The following ARSB variants were observed in gnomAD, a reference collection of about 807,000 sequenced individuals.
The protein encoded by ARSB is arylsulfatase B, also known as N-acetylgalactosamine-4-sulfatase.
Under a neutral mutation model 50.9 loss-of-function variants are expected in ARSB, and 41 were observed. The observed-to-expected ratio is 0.81, with a 90% confidence interval of 0.63 to 1.04. ARSB has a LOEUF of 1.04. Among genes scored for constraint, ARSB ranks in the 50% least tolerant of loss-of-function variants. The probability of loss-of-function intolerance (pLI) is 0.00; values close to 1 mark genes in which losing one functional copy is unlikely to be tolerated. For missense variants in ARSB, 672 were observed against 693.3 expected (o/e 0.97, Z 0.35); for synonymous variants, 269 against 284.8 (o/e 0.94, Z 0.56).
rs200346120 is a variant in ARSB, at chr5:78,858,165, T to C, written c.1143-18739A>G. On this transcript the variant is annotated intron_variant, in intron 5 of 7. Coordinates refer to ENST00000264914, the MANE Select transcript of ARSB (RefSeq NM_000046.5). ...CACATGGCCTCAGTGTCTCCTTGAA[T>C]GTATGGTGTTTCCATTCATTTGGTT... is the stretch of plus-strand genomic sequence containing the variant. Among the ~76,000 whole-genome samples the C allele has an allele frequency of 6.6e-5, 10 of 152,338 alleles. No homozygotes were observed. In the East Asian group the frequency reaches 1.9e-3, roughly 29 times the overall value.
chr5:78,922,918 G>A (rs1749893744), intron 4 of ARSB, among the ~76,000 whole-genome samples: 2 of 152,024 alleles, frequency 1.3e-5, no homozygotes, highest in South Asian at 4.1e-4. Flanking sequence ...CACCGCACCT[G>A]GACTATAATA....
At chr5:78,849,346 T>A (rs1745626595) in intron 5 of ARSB, among the ~76,000 whole-genome samples, 1 of 152,210 alleles carries the variant, frequency 6.6e-6, no homozygotes, top group Admixed American at 6.5e-5. Flanking sequence ...TGCTTGTTTT[T>A]CTCAGGTTTG....
chr5:78,812,578 G>T (rs1013501898), intron 6 of ARSB, among the ~76,000 whole-genome samples: 2 of 131,370 alleles, frequency 1.5e-5, no homozygotes, highest in Admixed American at 1.6e-4. Flanking sequence ...GAAGTCATAT[G>T]AACATTCTGT....
chr5:78,858,177 C>G (rs774999708), intron 5 of ARSB, among the ~76,000 whole-genome samples: 40 of 152,116 alleles, frequency 2.6e-4, no homozygotes, highest in Non-Finnish European at 5.3e-4. Flanking sequence ...TATGGTGTTT[C>G]CATTCATTTG....
chr5:78,907,246 G>T (rs1749106673), intron 4 of ARSB, among the ~76,000 whole-genome samples: 1 of 152,136 alleles, frequency 6.6e-6, no homozygotes, highest in African/African-American at 2.4e-5. Flanking sequence ...TTCCAAAGTT[G>T]GCTTTGTACC....
intron 6 of ARSB, among the ~76,000 whole-genome samples, chr5:78,835,002 T>C (rs1189359604): frequency 1.4e-5 from 2 of 145,014 alleles, no homozygotes; most frequent in Admixed American, 1.5e-4. Context: ...TCTCTCCTTT[T>C]CTTTCTTTCA....
intron 4 of ARSB, among the ~76,000 whole-genome samples, chr5:78,943,843 A>G (rs1488888411): frequency 6.6e-6 from 1 of 152,196 alleles, no homozygotes; most frequent in East Asian, 1.9e-4. Context: ...AGACTGGGGA[A>G]GTTCTCCTGG....
intron 4 of ARSB, among the ~76,000 whole-genome samples, chr5:78,922,797 GC>G (rs1233774551): frequency 6.6e-6 from 1 of 151,886 alleles, no homozygotes; most frequent in African/African-American, 2.4e-5. Context: ...TTCTGGAGCT[GC>G]CCCTGGGCAG....
chr5:78,811,700 T>C (rs1346500437), intron 6 of ARSB, among the ~76,000 whole-genome samples: 1 of 152,184 alleles, frequency 6.6e-6, no homozygotes, highest in Non-Finnish European at 1.5e-5. Context: ...TTCTCTTGCC[T>C]AAAGCAAAAC....
chr5:78,885,826 A>T lies in ARSB; in HGVS notation c.900T>A (p.Asp300Glu), dbSNP rs1280123243. 4.3e-6 allele frequency: 7 copies of T among 1,614,084 alleles called. No homozygotes were observed. Among genetic ancestry groups the T allele is most frequent in the Non-Finnish European group, 5.1e-6 (6 of 1,180,046 alleles). ...CCCCTGCCAAAGTCTGCCCTCCGTT[A>T]TCTGAAACACAGTAAGGTCTTGGCA... ...WNNTVFIFSTDNGGQTLAGGN... is the reference protein window; with the variant it reads ...WNNTVFIFSTENGGQTLAGGN... Residue 300 changes from aspartate (D) to glutamate (E), a missense_variant and splice_region_variant, in exon 5 of 8, where the codon GAT becomes GAA. Asp to Glu is a conservative substitution (Grantham distance 45). Transcript: ENST00000264914.
chr5:78,815,318 T>C (rs1743949483), intron 6 of ARSB, among the ~76,000 whole-genome samples: 1 of 150,904 alleles, frequency 6.6e-6, no homozygotes, highest in African/African-American at 2.5e-5. Flanking sequence ...GCTTTCCTTC[T>C]TGTCTCTATT....
At chr5:78,875,371 A>G (rs2112171109) in intron 5 of ARSB, among the ~76,000 whole-genome samples, 1 of 152,274 alleles carries the variant, frequency 6.6e-6, no homozygotes, top group African/African-American at 2.4e-5. Context: ...TAATATTAAT[A>G]TTCTAACATT....
chr5:78,811,393 A>T (rs1342410611), intron 6 of ARSB, among the ~76,000 whole-genome samples: 1 of 152,222 alleles, frequency 6.6e-6, no homozygotes, highest in Admixed American at 6.5e-5. Context: ...CATCAAGAGG[A>T]CACAATCACA....
At chr5:78,932,908 C>T (rs1750399530) in intron 4 of ARSB, among the ~76,000 whole-genome samples, 1 of 152,222 alleles carries the variant, frequency 6.6e-6, no homozygotes. Context: ...CAAGCCCCAG[C>T]TCCTCTGTGA....
At chr5:78,821,167 C>G (rs1441866308) in intron 6 of ARSB, among the ~76,000 whole-genome samples, 1 of 152,108 alleles carries the variant, frequency 6.6e-6, no homozygotes, top group Non-Finnish European at 1.5e-5. Flanking sequence ...CGGAGTTTTG[C>G]TCTTGTCACC....
At chr5:78,934,003 A>G (rs1000307012) in intron 4 of ARSB, among the ~76,000 whole-genome samples, 3 of 152,216 alleles carry the variant, frequency 2.0e-5, no homozygotes, top group African/African-American at 7.2e-5. Flanking sequence ...GGAGAAAGTC[A>G]AAGAATAAGG....
intron 4 of ARSB, among the ~76,000 whole-genome samples, chr5:78,941,618 C>G (rs567369463): frequency 4.8e-4 from 73 of 152,280 alleles, no homozygotes; most frequent in African/African-American, 1.6e-3. Context: ...AGCCTTGCAT[C>G]CCAGGGATGA....
At chr5:78,818,902 G>A (rs1370389133) in intron 6 of ARSB, among the ~76,000 whole-genome samples, 1 of 152,130 alleles carries the variant, frequency 6.6e-6, no homozygotes, top group Non-Finnish European at 1.5e-5. Context: ...GCAAGCAGTT[G>A]TTTATAGATG....
At chr5:78,840,001 G>A (rs1306235586) in intron 5 of ARSB, among the ~76,000 whole-genome samples, 1 of 152,196 alleles carries the variant, frequency 6.6e-6, no homozygotes, top group East Asian at 1.9e-4. Context: ...CTACATTTGT[G>A]CTGAAAAGTG....
Sources: allele counts gnomAD v4.1 joint callset (sites outside exome capture counted in the v4.1 genomes callset), GRCh38; gene constraint gnomAD v4.1.1; transcripts MANE v1.5; gene names NCBI Gene and HGNC (gene_info 2026-07-23, HGNC 2026-07-21).